LANCL3: variants seen among roughly 807,000 people sequenced by gnomAD.
LANCL3 encodes lanC-like protein 3.
A neutral mutation model predicts 26.5 loss-of-function variants in LANCL3; 19 were observed. The ratio of observed to expected loss-of-function variants is 0.72; its 90% CI spans 0.50 to 1.05. The LOEUF (loss-of-function observed/expected upper bound fraction) is 1.05, where lower values mean the gene tolerates loss of function less well. Ranked by LOEUF, LANCL3 falls within the 50% of genes least tolerant of loss-of-function variation. The pLI, the probability that LANCL3 is intolerant of heterozygous loss-of-function variation, is 0.00. For missense variants in LANCL3, 318 were observed against 362.7 expected, an observed-to-expected ratio of 0.88 and a Z score of 1.00; for synonymous variants, 160 against 166.6, an observed-to-expected ratio of 0.96 and a Z score of 0.30.
At chrX:37,604,150 G>A (rs782155536) in intron 1 of LANCL3, among the ~76,000 whole-genome samples, 1 of 112,540 alleles carries the variant, frequency 8.9e-6, no homozygotes, top group South Asian at 3.7e-4. Context: ...CATTTCATTT[G>A]CTCTTCTCCT....
At chrX:37,639,720 G>A (rs1345502965) in intron 1 of LANCL3, among the ~76,000 whole-genome samples, 2 of 111,765 alleles carry the variant, frequency 1.8e-5, no homozygotes, top group Non-Finnish European at 3.8e-5. Flanking sequence ...GTAAAGCAGT[G>A]TCTGTGTCCC....
intron 1 of LANCL3, among the ~76,000 whole-genome samples, chrX:37,632,290 A>G (rs1254871734): frequency 9.1e-6 from 1 of 109,568 alleles, no homozygotes; most frequent in East Asian, 2.9e-4. Flanking sequence ...GCCTTTTTTT[A>G]TTTTCCATTT....
chrX:37,619,264 C>T (rs1201635603), intron 1 of LANCL3, among the ~76,000 whole-genome samples: 2 of 111,856 alleles, frequency 1.8e-5, no homozygotes, highest in Non-Finnish European at 3.8e-5. Flanking sequence ...ATAGCACTTT[C>T]GCACAGATTA....
At chrX:37,586,685 G>T (rs1439235717) in intron 1 of LANCL3, among the ~76,000 whole-genome samples, 1 of 111,722 alleles carries the variant, frequency 9.0e-6, no homozygotes, top group African/African-American at 3.3e-5. Context: ...AGTTGTTCTA[G>T]TTAGCCATTC....
intron 1 of LANCL3, among the ~76,000 whole-genome samples, chrX:37,614,070 A>G (rs1213055718): frequency 8.9e-6 from 1 of 112,068 alleles, no homozygotes; most frequent in African/African-American, 3.2e-5. Context: ...ATCCCAGGAC[A>G]CCCAGGACAC....
At chrX:37,576,091 T>G (rs1556416380) in intron 1 of LANCL3, among the ~76,000 whole-genome samples, 1 of 112,195 alleles carries the variant, frequency 8.9e-6, no homozygotes, top group Non-Finnish European at 1.9e-5. Flanking sequence ...CCTTAGCAGA[T>G]CTATATTTAT....
intron 1 of LANCL3, among the ~76,000 whole-genome samples, chrX:37,636,525 A>C (rs1360678716): frequency 1.8e-5 from 2 of 112,652 alleles, no homozygotes; most frequent in African/African-American, 6.4e-5. Context: ...TTTCATGACA[A>C]TCTTATATGA....
At chrX:37,650,163 T>G (rs1390783967) in intron 1 of LANCL3, among the ~76,000 whole-genome samples, 2 of 107,512 alleles carry the variant, frequency 1.9e-5, no homozygotes, top group East Asian at 5.8e-4. Context: ...ATTAGCCAGG[T>G]GTGGTGGTGG....
chrX:37,637,773 A>G (rs372712003), intron 1 of LANCL3, among the ~76,000 whole-genome samples: 2 of 110,153 alleles, frequency 1.8e-5, no homozygotes, highest in East Asian at 5.7e-4. Flanking sequence ...AATAGAGTAG[A>G]CCCTTCTGGG....
intron 1 of LANCL3, among the ~76,000 whole-genome samples, chrX:37,610,033 C>G (rs1422568135): frequency 4.5e-5 from 5 of 112,326 alleles, no homozygotes; most frequent in Non-Finnish European, 9.4e-5. Context: ...ATTTATTTTG[C>G]TAGAAAATAT....
chrX:37,606,878 C>A (rs782397755), intron 1 of LANCL3, among the ~76,000 whole-genome samples: 2 of 112,466 alleles, frequency 1.8e-5, no homozygotes, highest in East Asian at 2.8e-4. Context: ...GGAAAAAATT[C>A]TTCTCCCTTA....
chrX:37,588,804 T>C (rs1924184902), intron 1 of LANCL3, among the ~76,000 whole-genome samples: 1 of 112,230 alleles, frequency 8.9e-6, no homozygotes, highest in Non-Finnish European at 1.9e-5. Context: ...ACAGACTTCA[T>C]TGGTAAGAAC....
chrX:37,591,701 T>TTG lies in LANCL3; in HGVS notation c.573+19260_573+19261dup, dbSNP rs200543991. ...TACACTCTAGGCTAGAGGTACACTG[T>TTG]TGTACCAGTAATGAGCTCCAGCTGG... is the stretch of plus-strand genomic sequence containing the variant. On this transcript the variant is annotated intron_variant, in intron 1 of 4. Transcript: ENST00000378619. Among the ~76,000 whole-genome samples the TTG allele has an allele frequency of 9.1e-3, 906 of 99,347 alleles. 13 individuals carry two copies. Among genetic ancestry groups the TTG allele is most frequent in the Non-Finnish European group, 0.012 (614 of 50,678 alleles). 86.3% of individuals were successfully genotyped at this position (99,347 alleles called of 115,157 possible).
intron 1 of LANCL3, among the ~76,000 whole-genome samples, chrX:37,641,963 T>C (rs1399413046): frequency 8.9e-6 from 1 of 111,911 alleles, no homozygotes; most frequent in Non-Finnish European, 1.9e-5. Context: ...GAGGATCTAC[T>C]GTCATGGTGA....
intron 1 of LANCL3, among the ~76,000 whole-genome samples, chrX:37,586,271 T>G (rs1200129205): frequency 1.8e-5 from 2 of 111,260 alleles, no homozygotes; most frequent in African/African-American, 6.6e-5. Context: ...GACCGTTATG[T>G]GTCTTGGAGT....
At position 37,678,987 on chromosome X, in the gene LANCL3, T is replaced by C. The variant is rs1045080935; in HGVS notation, c.*3174T>C. The C allele has an allele frequency of 8.9e-6, 1 of 111,843 alleles. No homozygotes were observed. Among genetic ancestry groups the C allele is most frequent in the African/African-American group, 3.2e-5 (1 of 30,800 alleles). 9.2% of individuals were successfully genotyped at this position (111,843 alleles called of 1,213,427 possible). On this transcript the variant is annotated 3_prime_UTR_variant, in exon 5 of 5. Coordinates refer to ENST00000378619, the MANE Select transcript of LANCL3 (RefSeq NM_001170331.2). ...CAAATGGGTTTGTGATTTCTAGCCA[T>C]GTTAAATGAACACACAATTAAAAGG...
intron 1 of LANCL3, among the ~76,000 whole-genome samples, chrX:37,628,445 G>GT (rs782595131): frequency 4.0e-4 from 44 of 109,828 alleles, no homozygotes; most frequent in South Asian, 4.0e-3. Flanking sequence ...TCAACTTGAT[G>GT]TTTTTTTTAT....
chrX:37,602,232 G>T (rs182675286), intron 1 of LANCL3, among the ~76,000 whole-genome samples: 51 of 112,275 alleles, frequency 4.5e-4, no homozygotes, highest in Middle Eastern at 4.6e-3. Context: ...ATCATGTTAT[G>T]CATGCAAAGC....
intron 3 of LANCL3, among the ~76,000 whole-genome samples, chrX:37,663,912 A>G (rs1926479665): frequency 8.9e-6 from 1 of 111,818 alleles, no homozygotes; most frequent in South Asian, 3.8e-4. Flanking sequence ...CCTGGAGACT[A>G]GCTTCACCCT....
Sources: gnomAD v4.1 joint callset for allele counts (sites outside exome capture counted in the v4.1 genomes callset) on GRCh38, gnomAD v4.1.1 for gene constraint, MANE v1.5 for transcripts, NCBI Gene and HGNC (gene_info 2026-07-23, HGNC 2026-07-21) for gene names.